The following WLS variants were observed in gnomAD, a reference collection of about 807,000 sequenced individuals.
The protein encoded by WLS is Wnt ligand secretion mediator, also known as protein wntless homolog.
In WLS, 23 loss-of-function variants were observed where a neutral mutation model predicts 62.8. The ratio of observed to expected loss-of-function variants is 0.37; its 90% CI spans 0.26 to 0.52. WLS has a LOEUF of 0.52. WLS is among the 20% of genes least tolerant of loss of function. WLS has a pLI of 0.92. For missense variants in WLS, 615 were observed against 697.3 expected (o/e 0.88, Z 1.33); for synonymous variants, 246 against 244.1 (o/e 1.01, Z -0.07).
chr1:68,116,685 A>G (rs1646296006), intron 11 of WLS, among the ~76,000 whole-genome samples: 1 of 152,234 alleles, frequency 6.6e-6, no homozygotes. Flanking sequence ...AAGCCTCATG[A>G]AGGCAGGAGT....
At chr1:68,219,741 CATT>C (rs1347256385) in intron 1 of WLS, among the ~76,000 whole-genome samples, 1 of 152,104 alleles carries the variant, frequency 6.6e-6, no homozygotes. Flanking sequence ...ATATTTTAAT[CATT>C]ATTTTTTGTT....
At chr1:68,164,537 C>A (rs1395101310) in intron 2 of WLS, among the ~76,000 whole-genome samples, 1 of 152,098 alleles carries the variant, frequency 6.6e-6, no homozygotes, top group East Asian at 1.9e-4. Context: ...GGATCACAGG[C>A]GTGAACCACT....
intron 11 of WLS, among the ~76,000 whole-genome samples, chr1:68,113,080 C>T (rs529290076): frequency 9.1e-4 from 139 of 152,336 alleles, no homozygotes; most frequent in African/African-American, 2.9e-3. Flanking sequence ...GAGGCCCATG[C>T]TCCTTAGTCC....
At chr1:68,128,317 G>C (rs901285556) in intron 11 of WLS, among the ~76,000 whole-genome samples, 1 of 152,180 alleles carries the variant, frequency 6.6e-6, no homozygotes, top group Non-Finnish European at 1.5e-5. Context: ...GCAACATCTA[G>C]TCCACACCTC....
chr1:68,163,342 CA>C (rs1246544384), intron 2 of WLS, among the ~76,000 whole-genome samples: 1 of 152,190 alleles, frequency 6.6e-6, no homozygotes, highest in African/African-American at 2.4e-5. Flanking sequence ...GCGTCCACGG[CA>C]AAAGGCGCCC....
At position 68,146,073 on chromosome 1, in the gene WLS, G is replaced by A. The variant is rs562510911; in HGVS notation, c.1135-61C>T. On this transcript the variant is annotated intron_variant, in intron 8 of 11. Transcript: ENST00000262348. ...CAAGGCCAAGTTGAGCCGGGTCCAG[G>A]CCCTTCTCCCCAGGTCTGTTGGCAA... The A allele has an allele frequency of 1.3e-5, 21 of 1,584,932 alleles. No homozygotes were observed. In the South Asian group the frequency reaches 2.3e-4, roughly 17 times the overall value.
chr1:68,106,141 T>C (rs1184813791), intron 11 of WLS, among the ~76,000 whole-genome samples: 1 of 152,198 alleles, frequency 6.6e-6, no homozygotes, highest in Non-Finnish European at 1.5e-5. Flanking sequence ...GTAACTCCCA[T>C]AGCAATGCTC....
intron 11 of WLS, among the ~76,000 whole-genome samples, chr1:68,106,601 T>C (rs144499939): frequency 2.2e-3 from 342 of 152,320 alleles, no homozygotes; most frequent in Non-Finnish European, 3.3e-3. Context: ...TGCTCACTGT[T>C]CAATGGTGGC....
At chr1:68,176,538 T>G (rs143330212) in intron 2 of WLS, among the ~76,000 whole-genome samples, 1 of 152,356 alleles carries the variant, frequency 6.6e-6, no homozygotes, top group African/African-American at 2.4e-5. Flanking sequence ...AGATGTGATG[T>G]TCAATTCCTT....
At chr1:68,200,322 C>T (rs757460211) in intron 1 of WLS, among the ~76,000 whole-genome samples, 4 of 152,144 alleles carry the variant, frequency 2.6e-5, no homozygotes, top group Non-Finnish European at 4.4e-5. Flanking sequence ...AGCACCATCT[C>T]TCCACCTGTA....
chr1:68,137,433 G>C (rs1646626514), intron 11 of WLS, among the ~76,000 whole-genome samples: 1 of 152,136 alleles, frequency 6.6e-6, no homozygotes, highest in Non-Finnish European at 1.5e-5. Context: ...CTTCTCAAAT[G>C]GGAAGAATAA....
chr1:68,163,049 C>T, intron 2 of WLS: 2 of 1,577,908 alleles, frequency 1.3e-6, no homozygotes, highest in Non-Finnish European at 1.7e-6. Context: ...AAATTCTGTC[C>T]AATTGCTGTC....
intron 2 of WLS, among the ~76,000 whole-genome samples, chr1:68,178,631 A>G (rs2820499): frequency 0.99 from 150,523 of 151,708 alleles, 74,680 homozygotes; most frequent in Middle Eastern, 1. Context: ...ACTTGAACCC[A>G]GGAGGGGGAG....
intron 11 of WLS, among the ~76,000 whole-genome samples, chr1:68,110,680 TCTCTCTCTCTCC>T (rs1356002290): frequency 6.6e-6 from 1 of 151,090 alleles, no homozygotes; most frequent in Non-Finnish European, 1.5e-5. Context: ...TCTCTCTCTC[TCTCTCTCTCTCC>T]ATATATATAT....
At chr1:68,113,387 C>T (rs1646252906) in intron 11 of WLS, among the ~76,000 whole-genome samples, 1 of 152,082 alleles carries the variant, frequency 6.6e-6, no homozygotes. Flanking sequence ...GCTGAATGAC[C>T]CTAGTAATCT....
rs140974432 is a variant in WLS at position 68,182,499 on chromosome 1, A to G, written c.379+11456T>C. 6.2e-3 allele frequency among the ~76,000 whole-genome samples: 947 copies of G among 152,330 alleles called. 10 individuals carry two copies. Among genetic ancestry groups the G allele is most frequent in the Non-Finnish European group, 9.1e-3 (621 of 68,022 alleles). Reference sequence around the variant, plus strand: ...TTCTCTATCCTGGGGTAAACAAAATATAGTTTTCTCCCATGATTTCAGTTG... The same window carrying G: ...TTCTCTATCCTGGGGTAAACAAAATGTAGTTTTCTCCCATGATTTCAGTTG... On this transcript the variant is annotated intron_variant, in intron 2 of 11. Coordinates refer to ENST00000262348, the MANE Select transcript of WLS (RefSeq NM_024911.7).
At chr1:68,148,260 C>A in intron 7 of WLS, 61 bp from the exon 8 acceptor site, 1 of 1,556,414 alleles carries the variant, frequency 6.4e-7, no homozygotes, top group East Asian at 2.2e-5. Context: ...CGGGAACTTT[C>A]CTTTTCACAT....
chr1:68,232,341 T>A lies in WLS; in HGVS notation c.-42A>T. ...TTTCTTTTCTCCTTGAAATAAATGT[T>A]TTAGGGTGAGCTTTTTGCTCCCTCC... On this transcript the variant is annotated 5_prime_UTR_variant, in exon 1 of 12. Transcript: ENST00000262348. 1 of 1,604,398 alleles carries A rather than the reference T, an allele frequency of 6.2e-7. No individual in the cohort carries two copies. Among genetic ancestry groups the A allele is most frequent in the Non-Finnish European group, 8.5e-7 (1 of 1,174,938 alleles).
chr1:68,098,536 G>T, exon 12 of WLS: 11 of 1,518,650 alleles, frequency 7.2e-6, no homozygotes, highest in Non-Finnish European at 9.7e-6. Context: ...TGAGATAAAG[G>T]CTAAATGAGT....
Sources: gnomAD v4.1 joint callset for allele counts (sites outside exome capture counted in the v4.1 genomes callset) on GRCh38, gnomAD v4.1.1 for gene constraint, MANE v1.5 for transcripts, NCBI Gene and HGNC (gene_info 2026-07-23, HGNC 2026-07-21) for gene names.